Variants in RALYL observed in about 807,000 individuals in gnomAD.
The protein encoded by RALYL is RNA-binding Raly-like protein.
Under a neutral mutation model 35.1 loss-of-function variants are expected in RALYL, and 29 were observed. The ratio of observed to expected loss-of-function variants is 0.83; its 90% CI spans 0.61 to 1.13. The LOEUF (loss-of-function observed/expected upper bound fraction) is 1.13, where lower values mean the gene tolerates loss of function less well. RALYL is among the 50% of genes most tolerant of loss of function. The probability of loss-of-function intolerance (pLI) is 0.00; values close to 1 mark genes in which losing one functional copy is unlikely to be tolerated. For synonymous variants in RALYL, 120 were observed against 127.6 expected (o/e 0.94, Z 0.40); for missense variants, 359 against 360.4 (o/e 1.00, Z 0.03).
chr8:84,829,629 A>ATCAATCAAACCAAACACACTG, intron 4 of RALYL: 1 of 152,174 alleles, frequency 6.6e-6, no homozygotes, highest in Non-Finnish European at 1.5e-5. Context: ...GGCCCAGAAA[A>ATCAATCAAACCAAACACACTG]TCAATCAAAC....
chr8:84,893,513 G>A (rs1441069438), intron 8 of RALYL, among the ~76,000 whole-genome samples: 1 of 152,148 alleles, frequency 6.6e-6, no homozygotes, highest in Non-Finnish European at 1.5e-5. Context: ...ATTCAAAAAA[G>A]CAAATGAGCT....
chr8:84,806,406 T>C (rs976582872), intron 4 of RALYL, among the ~76,000 whole-genome samples: 4 of 152,172 alleles, frequency 2.6e-5, no homozygotes, highest in African/African-American at 9.7e-5. Context: ...CCTCACTTCA[T>C]GTAGTTTCTG....
chr8:84,813,076 TC>T (rs1173366511), intron 4 of RALYL, among the ~76,000 whole-genome samples: 5 of 152,110 alleles, frequency 3.3e-5, no homozygotes, highest in South Asian at 4.1e-4. Flanking sequence ...CCCAGCGAGC[TC>T]CCGGGGCTTT....
chr8:84,502,215 CAT>C (rs1386672880), intron 1 of RALYL, among the ~76,000 whole-genome samples: 3 of 151,908 alleles, frequency 2.0e-5, no homozygotes, highest in African/African-American at 7.2e-5. Context: ...ATAATCTTTA[CAT>C]ATATGTGTGT....
chr8:84,423,158 C>A (rs1236052497), intron 1 of RALYL, among the ~76,000 whole-genome samples: 1 of 150,826 alleles, frequency 6.6e-6, no homozygotes, highest in Non-Finnish European at 1.5e-5. Flanking sequence ...GTGTTAAAGT[C>A]TCCCGTTATT....
chr8:84,407,117 T>G (rs1016942625), intron 1 of RALYL, among the ~76,000 whole-genome samples: 4 of 151,914 alleles, frequency 2.6e-5, no homozygotes, highest in African/African-American at 9.7e-5. Context: ...TTGAATGAGC[T>G]ATTCAAAGTC....
intron 2 of RALYL, among the ~76,000 whole-genome samples, chr8:84,565,957 A>C (rs549921024): frequency 3.3e-5 from 5 of 151,630 alleles, no homozygotes; most frequent in Non-Finnish European, 7.4e-5. Flanking sequence ...CCTCCAACTA[A>C]AGATGAAATG....
At chr8:84,528,840 G>A (rs1265872577) in intron 1 of RALYL, among the ~76,000 whole-genome samples, 1 of 152,072 alleles carries the variant, frequency 6.6e-6, no homozygotes, top group East Asian at 1.9e-4. Flanking sequence ...GAAATAGACA[G>A]TATGTCTACC....
At chr8:84,578,614 A>AGTGTCCAG (rs1462159304) in intron 2 of RALYL, among the ~76,000 whole-genome samples, 1 of 152,098 alleles carries the variant, frequency 6.6e-6, no homozygotes, top group African/African-American at 2.4e-5. Context: ...AGTCATCCAG[A>AGTGTCCAG]GTGTCCAGAT....
intron 8 of RALYL, among the ~76,000 whole-genome samples, chr8:84,907,253 A>G (rs1481984892): frequency 6.6e-6 from 1 of 151,900 alleles, no homozygotes; most frequent in African/African-American, 2.4e-5. Flanking sequence ...TGTTTCAAAA[A>G]TGTGGAAAAC....
chr8:84,483,829 T>C (rs1055931724), intron 1 of RALYL, among the ~76,000 whole-genome samples: 3 of 152,150 alleles, frequency 2.0e-5, no homozygotes, highest in Non-Finnish European at 2.9e-5. Flanking sequence ...TAAAACAGAA[T>C]ATACAGTTTT....
chr8:84,220,576 A>C (rs973479049), intron 1 of RALYL, among the ~76,000 whole-genome samples: 1 of 152,058 alleles, frequency 6.6e-6, no homozygotes, highest in Non-Finnish European at 1.5e-5. Context: ...CCAATTTCCA[A>C]ATGTCTTCCT....
chr8:84,273,117 A>G (rs912078605), intron 1 of RALYL, among the ~76,000 whole-genome samples: 8 of 152,232 alleles, frequency 5.3e-5, no homozygotes, highest in Non-Finnish European at 1.5e-5. Context: ...TTAGTTATCT[A>G]TTACTACACA....
chr8:84,424,466 A>T (rs1234480467), intron 1 of RALYL, among the ~76,000 whole-genome samples: 2 of 143,642 alleles, frequency 1.4e-5, no homozygotes, highest in African/African-American at 5.6e-5. Flanking sequence ...TTTTTTTCAA[A>T]GTTTTCAACT....
chr8:84,342,648 T>C (rs1849081154), intron 1 of RALYL, among the ~76,000 whole-genome samples: 1 of 151,928 alleles, frequency 6.6e-6, no homozygotes, highest in African/African-American at 2.4e-5. Flanking sequence ...CTAGATGTGG[T>C]ACAGTGGGAT....
chr8:84,641,999 C>T (rs1826453051), intron 2 of RALYL, among the ~76,000 whole-genome samples: 1 of 151,758 alleles, frequency 6.6e-6, no homozygotes, highest in Admixed American at 6.6e-5. Flanking sequence ...TTTTATTTAT[C>T]AAAGATTCAT....
At chr8:84,650,641 A>T (rs1828559340) in intron 2 of RALYL, among the ~76,000 whole-genome samples, 1 of 152,058 alleles carries the variant, frequency 6.6e-6, no homozygotes, top group African/African-American at 2.4e-5. Flanking sequence ...AAACTAGTTC[A>T]ACCCTTGTGG....
intron 7 of RALYL, among the ~76,000 whole-genome samples, chr8:84,878,594 A>C (rs1423975411): frequency 1.6e-5 from 2 of 126,750 alleles, no homozygotes. Context: ...AGGAAGAATA[A>C]AACTTCAAAA....
At chr8:84,478,330 G>T (rs1016054340) in intron 1 of RALYL, among the ~76,000 whole-genome samples, 1 of 152,126 alleles carries the variant, frequency 6.6e-6, no homozygotes, top group Non-Finnish European at 1.5e-5. Flanking sequence ...TCGCGAAATG[G>T]AGGAAAGACA....
Sources: gnomAD v4.1 joint callset for allele counts (sites outside exome capture counted in the v4.1 genomes callset) on GRCh38, gnomAD v4.1.1 for gene constraint, MANE v1.5 for transcripts, NCBI Gene and HGNC (gene_info 2026-07-23, HGNC 2026-07-21) for gene names.